SMIM35: variants seen among roughly 807,000 people sequenced by gnomAD.
The protein encoded by SMIM35 is small integral membrane protein 35.
intron 1 of SMIM35, among the ~76,000 whole-genome samples, chr11:118,059,869 C>T (rs558120196): frequency 9.9e-5 from 15 of 152,216 alleles, no homozygotes; most frequent in East Asian, 1.9e-4. Flanking sequence ...CCGGCTCCCA[C>T]GCCGGCCTAG....
chr11:118,023,835 C>T lies in SMIM35; in HGVS notation c.8-8026G>A, dbSNP rs894303022. ...ATCACTTGAGGTCAGGAGTTCCAGA[C>T]GAGCCTGGCCAAAATAGTGAAACAC... On this transcript the variant is annotated intron_variant, in intron 1 of 4. Coordinates refer to ENST00000689828, the MANE Select transcript of SMIM35 (RefSeq NM_001394165.1). Among the ~76,000 whole-genome samples the T allele has an allele frequency of 4.6e-5, 7 of 152,068 alleles. No individual in the cohort carries two copies. In the South Asian group the frequency reaches 8.3e-4, roughly 18 times the overall value.
At chr11:118,021,707 T>C (rs2058232466) in intron 1 of SMIM35, among the ~76,000 whole-genome samples, 1 of 152,132 alleles carries the variant, frequency 6.6e-6, no homozygotes, top group Admixed American at 6.5e-5. Context: ...AAGAAGGACA[T>C]TTCATAATGA....
intron 1 of SMIM35, among the ~76,000 whole-genome samples, chr11:118,038,392 T>A (rs780065572): frequency 5.3e-5 from 8 of 152,240 alleles, no homozygotes; most frequent in Non-Finnish European, 8.8e-5. Context: ...GTAGCGCTGT[T>A]CTTTAATACT....
chr11:118,029,725 G>T, intron 1 of SMIM35: 1 of 457,342 alleles, frequency 2.2e-6, no homozygotes, highest in Non-Finnish European at 4.4e-6. Flanking sequence ...CCTACCCTCT[G>T]CCCCAGAAAC....
At chr11:118,051,160 G>A (rs1414668476) in intron 1 of SMIM35, among the ~76,000 whole-genome samples, 4 of 152,202 alleles carry the variant, frequency 2.6e-5, no homozygotes, top group Non-Finnish European at 4.4e-5. Flanking sequence ...GGCACAAGAA[G>A]CAGAGAAACT....
At position 118,009,976 on chromosome 11, in the gene SMIM35, CT is replaced by C. The variant is rs1288609751; in HGVS notation, c.*34-3601del. On this transcript the variant is annotated intron_variant, in intron 4 of 4. Coordinates refer to ENST00000689828, the MANE Select transcript of SMIM35 (RefSeq NM_001394165.1). ...GTGAGGGTGCAGACTCTGCTCAGCTCTGGTGCAGCCAGTAGCCAGTTGTGGA... is the reference window on the plus strand; with the variant it reads ...GTGAGGGTGCAGACTCTGCTCAGCTCGGTGCAGCCAGTAGCCAGTTGTGGA... 2.0e-5 allele frequency among the ~76,000 whole-genome samples: 3 copies of C among 152,214 alleles called. No individual in the cohort carries two copies. In the South Asian group the frequency reaches 6.2e-4, roughly 31 times the overall value.
intron 1 of SMIM35, among the ~76,000 whole-genome samples, chr11:118,036,712 T>C (rs1397098309): frequency 6.6e-6 from 1 of 152,230 alleles, no homozygotes; most frequent in Non-Finnish European, 1.5e-5. Flanking sequence ...TCATGGGGCC[T>C]TTCCATCTGG....
intron 1 of SMIM35, among the ~76,000 whole-genome samples, chr11:118,062,708 T>C (rs1944409967): frequency 6.6e-6 from 1 of 152,224 alleles, no homozygotes; most frequent in African/African-American, 2.4e-5. Context: ...TGCCTCTTCG[T>C]TGACTTCCAT....
intron 1 of SMIM35, among the ~76,000 whole-genome samples, chr11:118,067,968 AT>A (rs545180189): frequency 6.9e-6 from 1 of 144,322 alleles, no homozygotes; most frequent in Non-Finnish European, 1.5e-5. Context: ...AAGTTTCTCT[AT>A]TTTTTCGCTA....
chr11:118,047,279 G>A (rs949781137), intron 1 of SMIM35, among the ~76,000 whole-genome samples: 1 of 152,256 alleles, frequency 6.6e-6, no homozygotes, highest in Non-Finnish European at 1.5e-5. Context: ...GATCTCATCT[G>A]TTTTTAACTA....
chr11:118,008,561 T>C (rs1322117714), intron 4 of SMIM35, among the ~76,000 whole-genome samples: 1 of 152,230 alleles, frequency 6.6e-6, no homozygotes, highest in Non-Finnish European at 1.5e-5. Flanking sequence ...CCTTAGGTTA[T>C]CCTTTAAGAT....
At chr11:118,038,305 G>A (rs745837438) in intron 1 of SMIM35, among the ~76,000 whole-genome samples, 4 of 152,158 alleles carry the variant, frequency 2.6e-5, no homozygotes, top group Non-Finnish European at 4.4e-5. Flanking sequence ...TTTCATTTTT[G>A]TTCTTTTGCA....
intron 1 of SMIM35, among the ~76,000 whole-genome samples, chr11:118,066,333 G>C (rs1300677171): frequency 6.6e-6 from 1 of 151,936 alleles, no homozygotes; most frequent in East Asian, 1.9e-4. Context: ...CCTGGGTTTG[G>C]GATCTCATCT....
At chr11:118,053,069 G>A (rs1420090200) in intron 1 of SMIM35, among the ~76,000 whole-genome samples, 3 of 152,160 alleles carry the variant, frequency 2.0e-5, no homozygotes, top group African/African-American at 4.8e-5. Context: ...ACTTAGGGAG[G>A]CCATGACGGG....
chr11:118,014,015 A>C, intron 3 of SMIM35, 135 bp from the exon 4 acceptor site: 2 of 393,190 alleles, frequency 5.1e-6, no homozygotes, highest in Non-Finnish European at 9.0e-6. Context: ...TACCATAATC[A>C]TCTCTCAGGG....
chr11:118,079,684 C>T (rs780598155), intron 1 of SMIM35, among the ~76,000 whole-genome samples: 12 of 152,198 alleles, frequency 7.9e-5, no homozygotes, highest in Non-Finnish European at 1.5e-4. Context: ...GTCCTCCCTC[C>T]CACCTCCTGT....
At chr11:118,010,500 A>T (rs2135013849) in intron 4 of SMIM35, among the ~76,000 whole-genome samples, 1 of 152,336 alleles carries the variant, frequency 6.6e-6, no homozygotes. Flanking sequence ...AGCACGCTCC[A>T]GTTTTAGGAG....
At chr11:118,075,281 G>A (rs1365553534) in intron 1 of SMIM35, among the ~76,000 whole-genome samples, 1 of 152,244 alleles carries the variant, frequency 6.6e-6, no homozygotes, top group East Asian at 1.9e-4. Context: ...CATCAGTAAG[G>A]AAGGGCTGGG....
At chr11:118,020,533 T>G (rs1261836845) in intron 1 of SMIM35, among the ~76,000 whole-genome samples, 1 of 152,244 alleles carries the variant, frequency 6.6e-6, no homozygotes, top group Admixed American at 6.5e-5. Context: ...TGTTTTCATT[T>G]ATTTTGGGTC....
Sources: gnomAD v4.1 joint callset for allele counts (sites outside exome capture counted in the v4.1 genomes callset) on GRCh38, gnomAD v4.1.1 for gene constraint, MANE v1.5 for transcripts, NCBI Gene and HGNC (gene_info 2026-07-23, HGNC 2026-07-21) for gene names.